The following FBXL7 variants were observed in gnomAD, a reference collection of about 807,000 sequenced individuals.
FBXL7 encodes F-box and leucine rich repeat protein 7.
FBXL7 carries 12 observed loss-of-function variants against 38.3 expected under a neutral mutation model. That is an observed-to-expected ratio of 0.31 (90% confidence interval 0.20 to 0.51). The LOEUF is 0.51. Among genes scored for constraint, FBXL7 ranks in the 20% least tolerant of loss-of-function variants. The pLI is 0.98. For synonymous variants in FBXL7, 297 were observed against 300.9 expected, an observed-to-expected ratio of 0.99 and a Z score of 0.13; for missense variants, 567 against 676.4, an observed-to-expected ratio of 0.84 and a Z score of 1.79.
At chr5:15,598,736 A>G (rs1739703516) in intron 1 of FBXL7, among the ~76,000 whole-genome samples, 1 of 152,164 alleles carries the variant, frequency 6.6e-6, no homozygotes, top group Non-Finnish European at 1.5e-5. Flanking sequence ...TTTCTTTACC[A>G]ATGAATAACT....
At chr5:15,764,762 T>TG (rs954442712) in intron 2 of FBXL7, among the ~76,000 whole-genome samples, 3 of 152,226 alleles carry the variant, frequency 2.0e-5, no homozygotes, top group African/African-American at 7.2e-5. Flanking sequence ...AAATACAAAC[T>TG]GGGAAAATTA....
chr5:15,616,181 A>G, intron 2 of FBXL7, 109 bp downstream of exon 2: 1 of 633,404 alleles, frequency 1.6e-6, no homozygotes. Context: ...GTGGGAGCAT[A>G]TGAGATCTTA....
chr5:15,824,746 A>G (rs967349552), intron 2 of FBXL7, among the ~76,000 whole-genome samples: 1 of 152,182 alleles, frequency 6.6e-6, no homozygotes, highest in Non-Finnish European at 1.5e-5. Context: ...GTTGGAAAAC[A>G]CTGGATGTTT....
At chr5:15,681,325 A>G (rs1561083090) in intron 2 of FBXL7, among the ~76,000 whole-genome samples, 1 of 152,244 alleles carries the variant, frequency 6.6e-6, no homozygotes, top group Non-Finnish European at 1.5e-5. Flanking sequence ...AATAACCTGT[A>G]TACTCATCAG....
At chr5:15,887,301 G>C (rs1445597260) in intron 2 of FBXL7, among the ~76,000 whole-genome samples, 1 of 152,124 alleles carries the variant, frequency 6.6e-6, no homozygotes, top group African/African-American at 2.4e-5. Flanking sequence ...AATTTCTTGA[G>C]GGGAAGTCAT....
chr5:15,884,011 G>A (rs992069540), intron 2 of FBXL7, among the ~76,000 whole-genome samples: 1 of 152,138 alleles, frequency 6.6e-6, no homozygotes, highest in Admixed American at 6.5e-5. Flanking sequence ...AGTCAACTTA[G>A]GCTGCTGTAA....
chr5:15,738,793 A>G (rs1041958515), intron 2 of FBXL7, among the ~76,000 whole-genome samples: 1 of 152,194 alleles, frequency 6.6e-6, no homozygotes, highest in Non-Finnish European at 1.5e-5. Flanking sequence ...ACTTTGGCAA[A>G]TGTCTGAATC....
intron 2 of FBXL7, among the ~76,000 whole-genome samples, chr5:15,729,163 C>A (rs1467102939): frequency 6.6e-6 from 1 of 152,134 alleles, no homozygotes; most frequent in Non-Finnish European, 1.5e-5. Flanking sequence ...CTAGACATAA[C>A]AAGCCAGGAA....
chr5:15,722,930 C>CAAAAAAAACCA (rs377502407), intron 2 of FBXL7, among the ~76,000 whole-genome samples: 7 of 142,120 alleles, frequency 4.9e-5, no homozygotes, highest in Non-Finnish European at 9.2e-5. Flanking sequence ...TCAAAAAAAA[C>CAAAAAAAACCA]AAAAAAAAAA....
chr5:15,590,309 C>T (rs1739432881), intron 1 of FBXL7, among the ~76,000 whole-genome samples: 1 of 152,058 alleles, frequency 6.6e-6, no homozygotes, highest in Non-Finnish European at 1.5e-5. Flanking sequence ...TCATTGCTAC[C>T]TCCATAACAG....
chr5:15,876,195 A>C (rs2126308060), intron 2 of FBXL7, among the ~76,000 whole-genome samples: 1 of 152,256 alleles, frequency 6.6e-6, no homozygotes, highest in East Asian at 1.9e-4. Context: ...TGGGAGTTGA[A>C]CAATGAGAAC....
At chr5:15,733,184 C>T (rs1232333694) in intron 2 of FBXL7, among the ~76,000 whole-genome samples, 1 of 152,150 alleles carries the variant, frequency 6.6e-6, no homozygotes, top group African/African-American at 2.4e-5. Context: ...ACCTCCGCCT[C>T]TCGGGTTCAA....
intron 2 of FBXL7, among the ~76,000 whole-genome samples, chr5:15,657,857 G>A (rs1266884306): frequency 6.7e-6 from 1 of 148,382 alleles, no homozygotes; most frequent in East Asian, 2.1e-4. Context: ...AAAAAAAAAT[G>A]TAATGGACAT....
intron 2 of FBXL7, among the ~76,000 whole-genome samples, chr5:15,828,539 C>A (rs1225992375): frequency 6.6e-6 from 1 of 152,118 alleles, no homozygotes; most frequent in Non-Finnish European, 1.5e-5. Flanking sequence ...ACATATAAAT[C>A]CCCTCCAGCT....
At chr5:15,924,246 G>A (rs1741819986) in intron 2 of FBXL7, among the ~76,000 whole-genome samples, 1 of 152,118 alleles carries the variant, frequency 6.6e-6, no homozygotes, top group South Asian at 2.1e-4. Context: ...TTAAAATGCA[G>A]CATGTATACC....
intron 2 of FBXL7, among the ~76,000 whole-genome samples, chr5:15,855,777 T>C (rs1273190984): frequency 6.6e-6 from 1 of 152,202 alleles, no homozygotes; most frequent in Non-Finnish European, 1.5e-5. Context: ...ATGTACTTTC[T>C]AAACTAATTT....
chr5:15,734,475 T>C (rs975280412), intron 2 of FBXL7, among the ~76,000 whole-genome samples: 20 of 152,342 alleles, frequency 1.3e-4, no homozygotes, highest in Middle Eastern at 3.4e-3. Flanking sequence ...GTAAGACATA[T>C]AGGAGTGGTT....
intron 2 of FBXL7, among the ~76,000 whole-genome samples, chr5:15,693,400 C>A (rs1743239227): frequency 6.6e-6 from 1 of 152,132 alleles, no homozygotes; most frequent in Non-Finnish European, 1.5e-5. Context: ...TGGACAGGAT[C>A]CATATTCCCT....
chr5:15,632,286 T>C (rs1402506839), intron 2 of FBXL7, among the ~76,000 whole-genome samples: 1 of 152,086 alleles, frequency 6.6e-6, no homozygotes, highest in Non-Finnish European at 1.5e-5. Flanking sequence ...CTCTAGAAAA[T>C]TTTATTTTTT....
Sources: allele counts gnomAD v4.1 joint callset (sites outside exome capture counted in the v4.1 genomes callset), GRCh38; gene constraint gnomAD v4.1.1; transcripts MANE v1.5; gene names NCBI Gene and HGNC (gene_info 2026-07-23, HGNC 2026-07-21).